KIF1A: variants seen among roughly 807,000 people sequenced by gnomAD.
KIF1A encodes kinesin-like protein KIF1A.
KIF1A carries 46 observed loss-of-function variants against 227.3 expected under a neutral mutation model. The ratio of observed to expected loss-of-function variants is 0.20; its 90% CI spans 0.16 to 0.26. The LOEUF (loss-of-function observed/expected upper bound fraction) is 0.26. KIF1A is among the 10% of genes least tolerant of loss of function. KIF1A has a pLI of 1.00. For synonymous variants in KIF1A, 1,022 were observed against 1,012.8 expected, an observed-to-expected ratio of 1.01 and a Z score of -0.17; for missense variants, 1,683 against 2,485.9, an observed-to-expected ratio of 0.68 and a Z score of 6.87.
intron 18 of KIF1A, 39 bp from the exon 19 acceptor site, chr2:240,767,060 C>T: frequency 6.7e-7 from 1 of 1,491,118 alleles, no homozygotes; most frequent in Non-Finnish European, 9.2e-7. Context: ...CAGCTGGGAC[C>T]CAATACACCC....
chr2:240,744,570 A>G (rs2125781958), intron 32 of KIF1A, among the ~76,000 whole-genome samples: 1 of 152,300 alleles, frequency 6.6e-6, no homozygotes, highest in South Asian at 2.1e-4. Context: ...TGCTGTCCCT[A>G]TGAAAAGCGG....
In KIF1A at chr2:240,717,546, A is replaced by G. The variant is rs2044706155; in HGVS notation, c.5334-140T>C. Reference sequence around the variant, plus strand: ...CGCTGGTTCCCTCACCACCTGGGGAAGGGACTGAATCTCTGCTTCTGGTGT... The same window carrying G: ...CGCTGGTTCCCTCACCACCTGGGGAGGGGACTGAATCTCTGCTTCTGGTGT... On this transcript the variant is annotated intron_variant, in intron 48 of 48. Coordinates refer to ENST00000498729, the MANE Select transcript of KIF1A (RefSeq NM_001244008.2). The G allele has an allele frequency of 6.8e-6, 5 of 738,300 alleles. No homozygotes were observed. In the South Asian group the frequency reaches 6.8e-5, roughly 10 times the overall value. 45.7% of individuals were successfully genotyped at this position (738,300 alleles called of 1,614,324 possible). A position where few individuals can be genotyped will look rare whatever the true frequency, so the allele number is the denominator to read the frequency against.
intron 45 of KIF1A, chr2:240,720,553 G>A: frequency 5.5e-6 from 1 of 181,838 alleles, no homozygotes; most frequent in Non-Finnish European, 1.2e-5. Context: ...GCAGGGGCCA[G>A]GTGTCCCCTC....
chr2:240,813,457 G>T (rs1196939950), intron 1 of KIF1A, among the ~76,000 whole-genome samples: 3 of 152,200 alleles, frequency 2.0e-5, no homozygotes, highest in African/African-American at 7.2e-5. Flanking sequence ...GGCTAACATG[G>T]AAGCCCGCAC....
rs1402719748 is a variant in KIF1A, at chr2:240,740,383, T to C, written c.3750-19A>G. 4 of 1,610,606 alleles carry C rather than the reference T, an allele frequency of 2.5e-6. No homozygotes were observed. Among genetic ancestry groups the C allele is most frequent in the Middle Eastern group, 1.6e-4 (1 of 6,078 alleles). ...GATGTAACTGGAAGAGAGAGACACATGTGAGGAGCGGCCAGCCCCTCCTCT... is the reference window on the plus strand; with the variant it reads ...GATGTAACTGGAAGAGAGAGACACACGTGAGGAGCGGCCAGCCCCTCCTCT... On this transcript the variant is annotated intron_variant, in intron 35 of 48. Transcript: ENST00000498729. This position sits in a 1 kb window ranked among gnomAD's most constrained non-coding sequence, Gnocchi z 6.1.
intron 14 of KIF1A, among the ~76,000 whole-genome samples, chr2:240,771,688 C>T (rs1259295849): frequency 1.3e-5 from 2 of 152,192 alleles, no homozygotes; most frequent in Non-Finnish European, 2.9e-5. Flanking sequence ...ACCACACACC[C>T]CCGAGCTGTG....
intron 38 of KIF1A, among the ~76,000 whole-genome samples, chr2:240,730,531 G>A (rs2046483395): frequency 6.6e-6 from 1 of 152,176 alleles, no homozygotes; most frequent in Non-Finnish European, 1.5e-5. Flanking sequence ...CATCACAAGA[G>A]GAAACATGCA....
At chr2:240,729,611 G>A (rs1020811413) in intron 38 of KIF1A, among the ~76,000 whole-genome samples, 5 of 152,232 alleles carry the variant, frequency 3.3e-5, no homozygotes, top group African/African-American at 1.2e-4. Context: ...GCCAGGCCTG[G>A]AGCTGTAAGT....
chr2:240,815,004 A>G (rs2058210618), intron 1 of KIF1A, among the ~76,000 whole-genome samples: 1 of 152,204 alleles, frequency 6.6e-6, no homozygotes, highest in Non-Finnish European at 1.5e-5. Context: ...AGCTGACGCA[A>G]AGGGTGTGGG....
chr2:240,728,878 T>C (rs1225403928), intron 38 of KIF1A, among the ~76,000 whole-genome samples: 2 of 152,308 alleles, frequency 1.3e-5, no homozygotes, highest in East Asian at 3.9e-4. Flanking sequence ...GTGCCCCATT[T>C]CCTTGTAAGT....
At position 240,736,956 on chromosome 2, in the gene KIF1A, C is replaced by A; in HGVS notation, c.4007+107G>T. On this transcript the variant is annotated intron_variant, in intron 38 of 48. Transcript: ENST00000498729. The surrounding 1 kb of genome is among the most constrained non-coding windows in gnomAD (Gnocchi z 4.7). ...GTGCCAGGAGGGAGGGCCGGGAGAG[C>A]GTTGAGCGGGTCACCTTGTGTGGCT... 2 of 895,318 alleles carry A rather than the reference C, an allele frequency of 2.2e-6. No individual in the cohort carries two copies. Among genetic ancestry groups the A allele is most frequent in the Non-Finnish European group, 3.7e-6 (2 of 544,032 alleles). 55.5% of individuals were successfully genotyped at this position (895,318 alleles called of 1,614,324 possible).
intron 35 of KIF1A, 32 bp downstream of exon 35, chr2:240,741,237 C>T: frequency 6.8e-7 from 1 of 1,469,096 alleles, no homozygotes; most frequent in Non-Finnish European, 9.3e-7. Flanking sequence ...GACACACACT[C>T]ACGCCCTGGG....
At position 240,758,788 on chromosome 2, in the gene KIF1A, G is replaced by A. The variant is rs138343096; in HGVS notation, c.2445-291C>T. Among the ~76,000 whole-genome samples, 4 of 152,292 alleles carry A rather than the reference G, an allele frequency of 2.6e-5. No homozygotes were observed. The highest frequency in any genetic ancestry group is 3.9e-4 in the East Asian group (2 of 5,182). On this transcript the variant is annotated intron_variant, in intron 25 of 48. Transcript: ENST00000498729. This position sits in a 1 kb window ranked among gnomAD's most constrained non-coding sequence, Gnocchi z 5.2. ...GCAGTGAGGGGCTAGAGGGGCTGGCGGCACTGGGCTGCTGGAAAGCTGGCG... is the reference window on the plus strand; with the variant it reads ...GCAGTGAGGGGCTAGAGGGGCTGGCAGCACTGGGCTGCTGGAAAGCTGGCG...
At position 240,714,161 on chromosome 2, in the gene KIF1A, C is replaced by G. The variant is rs531907622; in HGVS notation, c.*3203G>C. ...GCACAGTAAACACCTGTGACATCAGCCCCACCAGGGCCCCAGGTGCTGGGG... is the reference window on the plus strand; with the variant it reads ...GCACAGTAAACACCTGTGACATCAGGCCCACCAGGGCCCCAGGTGCTGGGG... On this transcript the variant is annotated 3_prime_UTR_variant, in exon 49 of 49. Coordinates refer to ENST00000498729, the MANE Select transcript of KIF1A (RefSeq NM_001244008.2). The G allele has an allele frequency of 2.5e-4, 38 of 152,632 alleles. 1 individual carries two copies. The highest frequency in any genetic ancestry group is 9.1e-4 in the African/African-American group (38 of 41,580). 9.5% of individuals were successfully genotyped at this position (152,632 alleles called of 1,614,324 possible).
Position 240,717,355 on chromosome 2 carries a change from G to T in KIF1A, c.*9C>A. 1 of 1,610,818 alleles carries T rather than the reference G, an allele frequency of 6.2e-7. No homozygotes were observed. Among genetic ancestry groups the T allele is most frequent in the Non-Finnish European group, 8.5e-7 (1 of 1,179,080 alleles). On this transcript the variant is annotated 3_prime_UTR_variant, in exon 49 of 49. Transcript: ENST00000498729. ...CTGGGCCTGCCGGCTGTCACGGGAG[G>T]GCTCAGGTTCAGACCCGCATCTGGG...
chr2:240,765,857 G>A, intron 19 of KIF1A, 64 bp from the exon 20 acceptor site: 1 of 1,213,070 alleles, frequency 8.2e-7, no homozygotes, highest in South Asian at 1.2e-5. Flanking sequence ...CAGCAGCTCG[G>A]CTTACCTGGC....
Position 240,718,868 on chromosome 2 carries a change from C to T in KIF1A, c.5214+138G>A, listed in dbSNP as rs573038947. 1.2e-5 allele frequency: 8 copies of T among 686,660 alleles called. No homozygotes were observed. The South Asian group carries it at 1.6e-4, about 14-fold the overall frequency. The allele number at this position is 686,660 out of a possible 1,614,324, so 42.5% of individuals were successfully genotyped here. The stretch of plus-strand genomic sequence containing the variant: ...ATCCCTGAGGCTGAGTCCCTGAGCC[C>T]AGCCTCCGTGGAACAGGACGGAGTC... On this transcript the variant is annotated intron_variant, in intron 47 of 48. Coordinates refer to ENST00000498729, the MANE Select transcript of KIF1A (RefSeq NM_001244008.2).
At position 240,775,773 on chromosome 2, in the gene KIF1A, A is replaced by AC. The variant is rs1475997337; in HGVS notation, c.958+77dup. ...GTGAGAGGCCTGCTGGCGACTGGGC[A>AC]CCCCCTCAGTGGGGAAGAAGGGCAC... On this transcript the variant is annotated intron_variant, in intron 11 of 48. Coordinates refer to ENST00000498729, the MANE Select transcript of KIF1A (RefSeq NM_001244008.2). The surrounding 1 kb of genome is among the most constrained non-coding windows in gnomAD (Gnocchi z 5.5). The AC allele has an allele frequency of 1.0e-6, 1 of 962,318 alleles. No homozygotes were observed. Among genetic ancestry groups the AC allele is most frequent in the African/African-American group, 1.6e-5 (1 of 62,194 alleles). The allele number at this position is 962,318 out of a possible 1,614,324, so 59.6% of individuals were successfully genotyped here. A position where few individuals can be genotyped will look rare whatever the true frequency, so the allele number is the denominator to read the frequency against.
chr2:240,785,479 C>G (rs893000883), intron 6 of KIF1A, among the ~76,000 whole-genome samples: 2 of 152,318 alleles, frequency 1.3e-5, no homozygotes, highest in African/African-American at 4.8e-5. Flanking sequence ...CCCACACCCG[C>G]GGCTCTGGGA....
Sources: gnomAD v4.1 joint callset for allele counts (sites outside exome capture counted in the v4.1 genomes callset) on GRCh38, gnomAD v4.1.1 for gene constraint, Gnocchi (gnomAD v3.1) non-coding constraint, MANE v1.5 for transcripts, NCBI Gene and HGNC (gene_info 2026-07-23, HGNC 2026-07-21) for gene names.